Variants in AKAP6 observed in about 807,000 individuals in gnomAD.
AKAP6 encodes the protein A-kinase anchoring protein 6.
AKAP6 carries 58 observed loss-of-function variants against 188.5 expected under a neutral mutation model. That is an observed-to-expected ratio of 0.31 (90% CI 0.25 to 0.38). The LOEUF (loss-of-function observed/expected upper bound fraction) is 0.38, where lower values mean the gene tolerates loss of function less well. Ranked by LOEUF, AKAP6 falls within the 10% of genes least tolerant of loss-of-function variation. AKAP6 has a pLI of 1.00. For synonymous variants in AKAP6, 989 were observed against 998.6 expected, an observed-to-expected ratio of 0.99 and a Z score of 0.18; for missense variants, 2,710 against 2,740.0, an observed-to-expected ratio of 0.99 and a Z score of 0.24.
At chr14:32,664,910 G>A (rs1266201093) in intron 7 of AKAP6, among the ~76,000 whole-genome samples, 1 of 152,078 alleles carries the variant, frequency 6.6e-6, no homozygotes, top group African/African-American at 2.4e-5. Context: ...CACCCCTGCT[G>A]TGCAAATAGA....
chr14:32,330,368 TTTATTA>T (rs554065527), intron 1 of AKAP6, among the ~76,000 whole-genome samples: 2 of 152,124 alleles, frequency 1.3e-5, no homozygotes, highest in Admixed American at 6.6e-5. Flanking sequence ...TTTAGGCATC[TTTATTA>T]TTATTATTAT....
At chr14:32,604,371 T>C (rs774576988) in intron 7 of AKAP6, among the ~76,000 whole-genome samples, 1 of 152,074 alleles carries the variant, frequency 6.6e-6, no homozygotes, top group African/African-American at 2.4e-5. Context: ...CTCTCCACAA[T>C]CTTGGCTGAA....
At chr14:32,339,700 A>G (rs186908528) in intron 1 of AKAP6, among the ~76,000 whole-genome samples, 1 of 152,304 alleles carries the variant, frequency 6.6e-6, no homozygotes, top group African/African-American at 2.4e-5. Context: ...AGGGAGAGTG[A>G]TAAGCCATGA....
chr14:32,608,082 TG>T (rs1886196659), intron 7 of AKAP6, among the ~76,000 whole-genome samples: 1 of 152,204 alleles, frequency 6.6e-6, no homozygotes, highest in Non-Finnish European at 1.5e-5. Context: ...ATAAGATGTA[TG>T]GGTGGATCTA....
At chr14:32,803,312 C>T (rs530556901) in intron 12 of AKAP6, among the ~76,000 whole-genome samples, 1 of 151,308 alleles carries the variant, frequency 6.6e-6, no homozygotes, top group African/African-American at 2.4e-5. Flanking sequence ...ATTTTTGATG[C>T]ACAAAGAATG....
chr14:32,666,247 T>C (rs1343289003), intron 7 of AKAP6, among the ~76,000 whole-genome samples: 1 of 152,126 alleles, frequency 6.6e-6, no homozygotes, highest in East Asian at 1.9e-4. Context: ...TCTTCATCTT[T>C]ATATGTTTGT....
intron 2 of AKAP6, among the ~76,000 whole-genome samples, chr14:32,533,781 G>T (rs1392059009): frequency 6.6e-6 from 1 of 152,192 alleles, no homozygotes; most frequent in African/African-American, 2.4e-5. Context: ...TGAGAGCCCT[G>T]CTCTTTTGTG....
At chr14:32,820,871 T>C (rs1460545397) in intron 12 of AKAP6, among the ~76,000 whole-genome samples, 2 of 152,140 alleles carry the variant, frequency 1.3e-5, no homozygotes, top group Non-Finnish European at 2.9e-5. Context: ...GCCCATGAAG[T>C]GCTCTACATG....
intron 11 of AKAP6, among the ~76,000 whole-genome samples, chr14:32,772,499 A>G (rs890763843): frequency 6.6e-6 from 1 of 152,212 alleles, no homozygotes; most frequent in Non-Finnish European, 1.5e-5. Context: ...TACAGAAATA[A>G]TAGAATTCCA....
At chr14:32,739,626 G>A (rs2031588575) in intron 11 of AKAP6, among the ~76,000 whole-genome samples, 1 of 152,048 alleles carries the variant, frequency 6.6e-6, no homozygotes, top group Non-Finnish European at 1.5e-5. Context: ...TGCAATGTTT[G>A]TCTTTCTGTT....
Position 32,545,368 on chromosome 14 carries a change from G to A in AKAP6, c.715G>A (p.Gly239Arg). Reference sequence around the variant, plus strand: ...CAGTCCAAGTGAGGATTTGCTCAGTGGGCTAGGTGACATGACCTCTAGCCA... The same window carrying A: ...CAGTCCAAGTGAGGATTTGCTCAGTAGGCTAGGTGACATGACCTCTAGCCA... ...DYSPSEDLLS[G>R]LGDMTSSQVK... is the part of the protein sequence containing the mutation. The change falls in exon 4 of 14, where the codon GGG (glycine) becomes AGG (arginine). Residue 239 changes from glycine to arginine, a missense_variant. By Grantham distance (125) the Gly-to-Arg change is moderately radical. Coordinates refer to ENST00000280979, the MANE Select transcript of AKAP6 (RefSeq NM_004274.5). 1 of 1,614,156 alleles carries A rather than the reference G, an allele frequency of 6.2e-7. No individual in the cohort carries two copies. The highest frequency in any genetic ancestry group is 8.5e-7 in the Non-Finnish European group (1 of 1,180,006).
chr14:32,464,706 C>T (rs1360274831), intron 2 of AKAP6, among the ~76,000 whole-genome samples: 1 of 152,190 alleles, frequency 6.6e-6, no homozygotes, highest in African/African-American at 2.4e-5. Flanking sequence ...TGCCCTTTCT[C>T]ACCACTCCTA....
At position 32,597,552 on chromosome 14, in the gene AKAP6, A is replaced by G. The variant is rs117444487; in HGVS notation, c.2470-1858A>G. On this transcript the variant is annotated intron_variant, in intron 5 of 13. Transcript: ENST00000280979. ...AAATAACAAACATTTAATTTTTCAT[A>G]GGTAATATATAGTTTGGATTGATCA... 5.7e-3 allele frequency among the ~76,000 whole-genome samples: 864 copies of G among 152,306 alleles called. 3 individuals carry two copies. Among genetic ancestry groups the G allele is most frequent in the Middle Eastern group, 0.014 (4 of 294 alleles).
chr14:32,586,741 A>C lies in AKAP6; in HGVS notation c.2469+9499A>C, dbSNP rs145903613. On this transcript the variant is annotated intron_variant, in intron 5 of 13. Coordinates refer to ENST00000280979, the MANE Select transcript of AKAP6 (RefSeq NM_004274.5). ...ACTTCATCCTTTTGGATGGCTGCATAGTATTCTACTTACAAATATGCCATA... is the reference window on the plus strand; with the variant it reads ...ACTTCATCCTTTTGGATGGCTGCATCGTATTCTACTTACAAATATGCCATA... 1.8e-4 allele frequency among the ~76,000 whole-genome samples: 28 copies of C among 152,356 alleles called. No homozygotes were observed. The East Asian group carries it at 3.1e-3, about 17-fold the overall frequency.
intron 5 of AKAP6, among the ~76,000 whole-genome samples, chr14:32,586,900 C>G (rs1287680301): frequency 6.6e-6 from 1 of 152,084 alleles, no homozygotes; most frequent in African/African-American, 2.4e-5. Context: ...GAACAAATAC[C>G]TTTCATATGA....
intron 10 of AKAP6, among the ~76,000 whole-genome samples, 183 bp from the exon 11 acceptor site, chr14:32,735,475 T>A (rs1365430142): frequency 6.6e-6 from 1 of 152,160 alleles, no homozygotes; most frequent in Non-Finnish European, 1.5e-5. Context: ...TGACCTAATC[T>A]GAACTGAATG....
chr14:32,804,923 T>G (rs890949952), intron 12 of AKAP6, among the ~76,000 whole-genome samples: 4 of 152,196 alleles, frequency 2.6e-5, no homozygotes, highest in Non-Finnish European at 5.9e-5. Context: ...AATATGGCTC[T>G]TTTTGCCCAA....
intron 7 of AKAP6, among the ~76,000 whole-genome samples, chr14:32,665,876 A>G (rs746461647): frequency 6.6e-6 from 1 of 152,186 alleles, no homozygotes; most frequent in Non-Finnish European, 1.5e-5. Context: ...TATATCAGAT[A>G]TCTTTCCAAT....
chr14:32,786,321 T>G, intron 12 of AKAP6, among the ~76,000 whole-genome samples: 1 of 124,218 alleles, frequency 8.1e-6, no homozygotes, highest in Admixed American at 8.5e-5. Flanking sequence ...TTTTTTTTTT[T>G]TTTTGAGACG....
Sources: gnomAD v4.1 joint callset for allele counts (sites outside exome capture counted in the v4.1 genomes callset) on GRCh38, gnomAD v4.1.1 for gene constraint, MANE v1.5 for transcripts, NCBI Gene and HGNC (gene_info 2026-07-23, HGNC 2026-07-21) for gene names.